ADAMTSL1: variants seen among roughly 807,000 people sequenced by gnomAD.
ADAMTSL1 encodes the protein ADAMTS like 1, also known as ADAMTS-like protein 1.
Under a neutral mutation model 201.8 loss-of-function variants are expected in ADAMTSL1, and 126 were observed. That is an observed-to-expected ratio of 0.62 (90% CI 0.54 to 0.72). The LOEUF (loss-of-function observed/expected upper bound fraction) is 0.72, where lower values mean the gene tolerates loss of function less well. Ranked by LOEUF, ADAMTSL1 falls within the 30% of genes least tolerant of loss-of-function variation. The probability of loss-of-function intolerance (pLI) is 0.00; values close to 1 mark genes in which losing one functional copy is unlikely to be tolerated. For missense variants in ADAMTSL1, 2,679 were observed against 2,277.8 expected (o/e 1.18, Z -3.59); for synonymous variants, 1,121 against 903.4 (o/e 1.24, Z -4.32).
chr9:18,060,366 T>G (rs1822393524), intron 1 of ADAMTSL1, among the ~76,000 whole-genome samples: 1 of 152,188 alleles, frequency 6.6e-6, no homozygotes. Context: ...TCAGATAAGC[T>G]GTAAAACAAC....
intron 2 of ADAMTSL1, among the ~76,000 whole-genome samples, chr9:18,439,617 G>A (rs559508071): frequency 8.5e-5 from 13 of 152,178 alleles, no homozygotes; most frequent in South Asian, 4.1e-4. Context: ...TGCCTGCCTC[G>A]GTCTCCCAAA....
intron 2 of ADAMTSL1, among the ~76,000 whole-genome samples, chr9:18,320,180 C>T (rs538412625): frequency 1.2e-4 from 19 of 152,270 alleles, no homozygotes; most frequent in African/African-American, 4.3e-4. Flanking sequence ...GTAATCCCTG[C>T]CAATACCTTG....
chr9:18,651,096 A>G (rs887314286), intron 7 of ADAMTSL1: 1 of 152,236 alleles, frequency 6.6e-6, no homozygotes, highest in Non-Finnish European at 1.5e-5. Context: ...TGCCGCATTT[A>G]CCAGTGGTAT....
At position 18,075,912 on chromosome 9, in the gene ADAMTSL1, G is replaced by A. The variant is rs575043482; in HGVS notation, c.88-87950G>A. Among the ~76,000 whole-genome samples the A allele has an allele frequency of 3.9e-5, 6 of 152,298 alleles. No homozygotes were observed. In the South Asian group the frequency reaches 1.2e-3, roughly 32 times the overall value. On this transcript the variant is annotated intron_variant, in intron 1 of 29. Transcript: ENST00000680146. ...TAATTAAATACCAAGTCCCAAACCA[G>A]CATTCAATTTATTTGAATTCCAGAG...
chr9:18,550,471 C>T (rs1820731620), intron 3 of ADAMTSL1, among the ~76,000 whole-genome samples: 1 of 151,872 alleles, frequency 6.6e-6, no homozygotes, highest in Non-Finnish European at 1.5e-5. Context: ...TGGCAAGAAC[C>T]GCAGAGAAGT....
At chr9:18,358,938 T>G (rs536024333) in intron 2 of ADAMTSL1, among the ~76,000 whole-genome samples, 1 of 152,344 alleles carries the variant, frequency 6.6e-6, no homozygotes, top group African/African-American at 2.4e-5. Context: ...TGTAATTTTC[T>G]ATAGCAGACA....
chr9:18,521,295 A>G (rs926595935), intron 2 of ADAMTSL1, among the ~76,000 whole-genome samples: 1 of 152,136 alleles, frequency 6.6e-6, no homozygotes, highest in African/African-American at 2.4e-5. Flanking sequence ...TTTTTAAAGT[A>G]CTAAAAGAGT....
At chr9:18,125,849 G>C (rs528292296) in intron 1 of ADAMTSL1, among the ~76,000 whole-genome samples, 1 of 152,258 alleles carries the variant, frequency 6.6e-6, no homozygotes, top group East Asian at 1.9e-4. Context: ...GTCTTCCACG[G>C]ACTCTGACAA....
rs578220607 is a variant in ADAMTSL1 at position 17,990,295 on chromosome 9, T to C, written c.87+83373T>C. 3.9e-5 allele frequency among the ~76,000 whole-genome samples: 6 copies of C among 152,186 alleles called. No individual in the cohort carries two copies. The South Asian group carries it at 1.2e-3, about 32-fold the overall frequency. ...AAATAGCTCTTCTGTTTGGGATATT[T>C]TGTAGATGACCATTTATGTACTTTA... On this transcript the variant is annotated intron_variant, in intron 1 of 29. Coordinates refer to the ADAMTSL1 transcript ENST00000680146.
At chr9:18,845,108 C>T (rs1826014710) in intron 23 of ADAMTSL1, among the ~76,000 whole-genome samples, 1 of 152,218 alleles carries the variant, frequency 6.6e-6, no homozygotes, top group Admixed American at 6.5e-5. Flanking sequence ...GATGGAAATG[C>T]AGAAATCACC....
At chr9:18,057,487 AG>A (rs1443605244) in intron 1 of ADAMTSL1, among the ~76,000 whole-genome samples, 2 of 152,210 alleles carry the variant, frequency 1.3e-5, no homozygotes, top group South Asian at 2.1e-4. Context: ...AGTTGGCAAC[AG>A]GGGGACTTGC....
intron 7 of ADAMTSL1, among the ~76,000 whole-genome samples, chr9:18,645,949 G>C (rs1827783074): frequency 6.6e-6 from 1 of 150,718 alleles, no homozygotes; most frequent in Non-Finnish European, 1.5e-5. Flanking sequence ...GCTTGATGGG[G>C]ATGGCATTGA....
chr9:18,010,196 G>A (rs1006231801), intron 1 of ADAMTSL1, among the ~76,000 whole-genome samples: 5 of 151,990 alleles, frequency 3.3e-5, no homozygotes, highest in African/African-American at 1.2e-4. Flanking sequence ...GAATTAATAT[G>A]ATTGTTAAGG....
At position 17,969,843 on chromosome 9, in the gene ADAMTSL1, A is replaced by G. The variant is rs188515526; in HGVS notation, c.87+62921A>G. ...AAATAATTTTATAAAGGTAACAGTT[A>G]CTTTAGGCATATGCAAACTTGTTTT... On this transcript the variant is annotated intron_variant, in intron 1 of 29. Transcript: ENST00000680146. 6.6e-5 allele frequency among the ~76,000 whole-genome samples: 10 copies of G among 152,204 alleles called. No individual in the cohort carries two copies. In the East Asian group the frequency reaches 1.9e-3, roughly 29 times the overall value.
At chr9:18,480,412 G>C (rs1461309978) in intron 1 of ADAMTSL1, among the ~76,000 whole-genome samples, 1 of 152,082 alleles carries the variant, frequency 6.6e-6, no homozygotes, top group Non-Finnish European at 1.5e-5. Flanking sequence ...GAATCCACTA[G>C]AAAAAACTTC....
intron 1 of ADAMTSL1, among the ~76,000 whole-genome samples, chr9:17,915,177 T>A (rs1408385497): frequency 6.6e-6 from 1 of 152,140 alleles, no homozygotes; most frequent in African/African-American, 2.4e-5. Flanking sequence ...AATGTCTTCC[T>A]CCCTCCTGTC....
At chr9:18,638,694 A>G (rs10963694) in intron 6 of ADAMTSL1, among the ~76,000 whole-genome samples, 56,118 of 152,010 alleles carry the variant, frequency 0.37, 10,612 homozygotes, top group Admixed American at 0.42. Flanking sequence ...TTTAAAAAGA[A>G]AATACTGAAA....
intron 3 of ADAMTSL1, among the ~76,000 whole-genome samples, chr9:18,569,080 C>G (rs1393164754): frequency 6.6e-6 from 1 of 152,176 alleles, no homozygotes; most frequent in Non-Finnish European, 1.5e-5. Flanking sequence ...GCGGTAGAAT[C>G]TTGTACATTT....
At chr9:18,262,686 A>G (rs1395052506) in intron 2 of ADAMTSL1, among the ~76,000 whole-genome samples, 1 of 152,200 alleles carries the variant, frequency 6.6e-6, no homozygotes, top group South Asian at 2.1e-4. Flanking sequence ...CAAATAAAAA[A>G]TCCTCCAAAA....
Sources: gnomAD v4.1 joint callset for allele counts (sites outside exome capture counted in the v4.1 genomes callset) on GRCh38, gnomAD v4.1.1 for gene constraint, MANE v1.5 for transcripts, NCBI Gene and HGNC (gene_info 2026-07-23, HGNC 2026-07-21) for gene names.